Variants in CEP89 observed in about 807,000 individuals in gnomAD.
The protein encoded by CEP89 is centrosomal protein of 89 kDa.
In CEP89, 95 loss-of-function variants were observed where a neutral mutation model predicts 97.6. The observed-to-expected ratio is 0.97, with a 90% CI of 0.82 to 1.15. The LOEUF (loss-of-function observed/expected upper bound fraction) is 1.15, where lower values mean the gene tolerates loss of function less well. Ranked by LOEUF, CEP89 falls within the 50% of genes most tolerant of loss-of-function variation. CEP89 has a pLI of 0.00. For synonymous variants in CEP89, 354 were observed against 349.1 expected, an observed-to-expected ratio of 1.01 and a Z score of -0.16; for missense variants, 869 against 947.7, an observed-to-expected ratio of 0.92 and a Z score of 1.09.
chr19:32,969,970 C>T (rs559981172), intron 1 of CEP89: 2 of 152,384 alleles, frequency 1.3e-5, no homozygotes, highest in South Asian at 2.1e-4. Flanking sequence ...AAGTGTGCAG[C>T]CCTAGCCACA....
chr19:32,967,082 T>C (rs2043292), intron 1 of CEP89, among the ~76,000 whole-genome samples: 114,941 of 152,100 alleles, frequency 0.76, 44,390 homozygotes, highest in African/African-American at 0.91. Context: ...CCACCTCAGC[T>C]TCCCAAAGTG....
chr19:32,899,116 ACTGGTTTAAT>A (rs1468792843), intron 16 of CEP89, among the ~76,000 whole-genome samples: 5 of 139,670 alleles, frequency 3.6e-5, no homozygotes, highest in African/African-American at 1.3e-4. Flanking sequence ...GTATCTCAAG[ACTGGTTTAAT>A]TAGCATTTTT....
intron 14 of CEP89, among the ~76,000 whole-genome samples, chr19:32,905,553 T>C (rs1168150126): frequency 6.6e-6 from 1 of 152,156 alleles, no homozygotes; most frequent in African/African-American, 2.4e-5. Context: ...CTTCTTCTTC[T>C]TGAGTCAGTT....
rs543087960 is a variant in CEP89, at chr19:32,959,550, C to A, written c.305+350G>T. Reference sequence around the variant, plus strand: ...GTAAGGAGGGACCACTCTCACTGTTCAGGTTGCTGCACAAAGAAACTTACT... The same window carrying A: ...GTAAGGAGGGACCACTCTCACTGTTAAGGTTGCTGCACAAAGAAACTTACT... On this transcript the variant is annotated intron_variant, in intron 3 of 18. Transcript: ENST00000305768. Among the ~76,000 whole-genome samples, 12 of 152,296 alleles carry A rather than the reference C, an allele frequency of 7.9e-5. No individual in the cohort carries two copies. In the South Asian group the frequency reaches 2.5e-3, roughly 32 times the overall value.
At position 32,926,235 on chromosome 19, in the gene CEP89, A is replaced by G; in HGVS notation, c.1119T>C (p.Tyr373=). Reference sequence around the variant, plus strand: ...CGTCCTTCTCTTTCATCATATCTTCATAAGCCAGCAACAATGGTGACAGGT... The same window carrying G: ...CGTCCTTCTCTTTCATCATATCTTCGTAAGCCAGCAACAATGGTGACAGGT... ...IKYLSPLLLA[Y]EDMMKEKDEL... Residue 373 remains tyrosine, a synonymous_variant, in exon 11 of 19, where the codon TAT becomes TAC. Coordinates refer to ENST00000305768, the MANE Select transcript of CEP89 (RefSeq NM_032816.5). 1 of 1,613,772 alleles carries G rather than the reference A, an allele frequency of 6.2e-7. No individual in the cohort carries two copies. Among genetic ancestry groups the G allele is most frequent in the Admixed American group, 1.7e-5 (1 of 60,014 alleles).
chr19:32,920,571 C>T (rs1225890985), intron 12 of CEP89, among the ~76,000 whole-genome samples: 1 of 152,038 alleles, frequency 6.6e-6, no homozygotes, highest in Admixed American at 6.5e-5. Context: ...GCAGCCTCCA[C>T]CTCCTGGGTT....
intron 7 of CEP89, among the ~76,000 whole-genome samples, chr19:32,935,117 G>A (rs1033293787): frequency 6.6e-6 from 1 of 152,208 alleles, no homozygotes; most frequent in Admixed American, 6.5e-5. Context: ...CACAGGCCCT[G>A]AGGGCAGAAA....
intron 6 of CEP89, among the ~76,000 whole-genome samples, chr19:32,939,003 T>C (rs530196641): frequency 1.3e-5 from 2 of 152,156 alleles, no homozygotes; most frequent in South Asian, 4.2e-4. Flanking sequence ...CCCAATGCCC[T>C]TGGGAGGCCA....
intron 5 of CEP89, among the ~76,000 whole-genome samples, chr19:32,947,729 A>G (rs540601442): frequency 1.3e-5 from 2 of 151,502 alleles, no homozygotes; most frequent in East Asian, 3.9e-4. Context: ...AGCTGGTCTC[A>G]AACTCCTAAG....
At chr19:32,937,540 A>C (rs1455466863) in intron 7 of CEP89, 91 bp downstream of exon 7, 2 of 1,106,058 alleles carry the variant, frequency 1.8e-6, no homozygotes, top group East Asian at 4.7e-5. Context: ...TACAAGAAAA[A>C]GAAAATGTAA....
At chr19:32,885,641 C>T (rs938027391) in intron 17 of CEP89, among the ~76,000 whole-genome samples, 3 of 152,254 alleles carry the variant, frequency 2.0e-5, no homozygotes, top group African/African-American at 2.4e-5. Context: ...ATCTTAAAGT[C>T]GTATGTCTTG....
chr19:32,932,167 G>C (rs1017753867), intron 8 of CEP89, among the ~76,000 whole-genome samples: 8 of 149,588 alleles, frequency 5.3e-5, no homozygotes, highest in African/African-American at 1.7e-4. Flanking sequence ...GGCAACAGAG[G>C]GAGACTCCAT....
intron 13 of CEP89, chr19:32,917,761 T>C: frequency 1.0e-6 from 1 of 981,100 alleles, no homozygotes. Context: ...TCTCGGAAGG[T>C]GTTTGATGGA....
chr19:32,950,071 T>C (rs553032245), intron 4 of CEP89, among the ~76,000 whole-genome samples: 3 of 151,844 alleles, frequency 2.0e-5, no homozygotes, highest in African/African-American at 7.2e-5. Flanking sequence ...TCCAGGCCAG[T>C]CTTGAACTCT....
At chr19:32,911,493 A>G (rs986071049) in intron 14 of CEP89, among the ~76,000 whole-genome samples, 15 of 152,168 alleles carry the variant, frequency 9.9e-5, no homozygotes, top group African/African-American at 3.6e-4. Context: ...TCTCTAATAA[A>G]AATACAAAAA....
intron 8 of CEP89, among the ~76,000 whole-genome samples, chr19:32,933,064 T>C (rs1396334669): frequency 6.3e-5 from 4 of 63,498 alleles, no homozygotes; most frequent in African/African-American, 2.1e-4. Context: ...TAAAATACTA[T>C]TTCTTTTTTT....
chr19:32,898,588 T>C (rs1399719513), intron 16 of CEP89, among the ~76,000 whole-genome samples: 1 of 152,086 alleles, frequency 6.6e-6, no homozygotes, highest in African/African-American at 2.4e-5. Context: ...CACCCAGAAA[T>C]GATAAATGCT....
rs73926195 is a variant in CEP89, at chr19:32,959,900, C to A, written c.305G>T (p.Arg102Leu). 1.2e-6 allele frequency: 2 copies of A among 1,614,042 alleles called. No individual in the cohort carries two copies. The change falls in exon 3 of 19, where the codon CGG becomes CTG. Residue 102 changes from arginine (R) to leucine (L), a missense_variant and splice_region_variant. Physicochemically the swap from Arg to Leu is moderately radical, Grantham distance 102. Coordinates refer to ENST00000305768, the MANE Select transcript of CEP89 (RefSeq NM_032816.5). The stretch of plus-strand genomic sequence containing the variant: ...GCAGAGGCGGCGATCTGGTACCTAC[C>A]GAGGCCTCAGCTGTGAGGTGGTGGC... ...PYATTSQLRPRPNWQSEMGRR... is the reference protein window; with the variant it reads ...PYATTSQLRPLPNWQSEMGRR...
rs1969177682 is a variant in CEP89 at position 32,876,155 on chromosome 19, G to A, written c.*3007C>T. The A allele has an allele frequency of 6.6e-6, 1 of 152,370 alleles. No individual in the cohort carries two copies. The highest frequency in any genetic ancestry group is 6.5e-5 in the Admixed American group (1 of 15,272). 9.4% of individuals were successfully genotyped at this position (152,370 alleles called of 1,614,324 possible). On this transcript the variant is annotated 3_prime_UTR_variant, in exon 19 of 19. Transcript: ENST00000305768. ...AGGCAGGGTCTCACCTGGTTGCCCA[G>A]GCTGGAGTGCAGTGGCATGATCATA...
Sources: allele counts gnomAD v4.1 joint callset (sites outside exome capture counted in the v4.1 genomes callset), GRCh38; gene constraint gnomAD v4.1.1; transcripts MANE v1.5; gene names NCBI Gene and HGNC (gene_info 2026-07-23, HGNC 2026-07-21).